The following ARHGAP42 variants were observed in gnomAD, a reference collection of about 807,000 sequenced individuals.
ARHGAP42 encodes the protein rho GTPase-activating protein 42.
A neutral mutation model predicts 125.0 loss-of-function variants in ARHGAP42; 63 were observed. That is an observed-to-expected ratio of 0.50 (90% CI 0.41 to 0.62). ARHGAP42 has a LOEUF of 0.62. ARHGAP42 is among the 20% of genes least tolerant of loss of function. ARHGAP42 has a pLI of 0.00. For missense variants in ARHGAP42, 766 were observed against 1,024.2 expected, an observed-to-expected ratio of 0.75 and a Z score of 3.44; for synonymous variants, 339 against 351.0, an observed-to-expected ratio of 0.97 and a Z score of 0.38.
chr11:100,808,410 T>G (rs976499001), intron 3 of ARHGAP42, among the ~76,000 whole-genome samples: 2 of 148,022 alleles, frequency 1.4e-5, no homozygotes, highest in African/African-American at 5.0e-5. Flanking sequence ...TTTTTTTTTT[T>G]TTTTTTGAGA....
rs144349312 is a variant in ARHGAP42, at chr11:100,778,727, G to A, written c.250+8289G>A. On this transcript the variant is annotated intron_variant, in intron 2 of 23. Transcript: ENST00000298815. Reference sequence around the variant, plus strand: ...TATCATATTAGCTGTGTATTTTGAAGCACTTTATTTGACTTAATTTGAAAT... The same window carrying A: ...TATCATATTAGCTGTGTATTTTGAAACACTTTATTTGACTTAATTTGAAAT... 1.8e-3 allele frequency among the ~76,000 whole-genome samples: 280 copies of A among 152,142 alleles called. 1 individual carries two copies. Among genetic ancestry groups the A allele is most frequent in the African/African-American group, 6.4e-3 (267 of 41,514 alleles).
At chr11:100,964,999 G>A (rs1858053487) in intron 16 of ARHGAP42, among the ~76,000 whole-genome samples, 1 of 152,110 alleles carries the variant, frequency 6.6e-6, no homozygotes, top group Non-Finnish European at 1.5e-5. Context: ...CAGTTCCGCA[G>A]GGCTGGGAAG....
intron 1 of ARHGAP42, among the ~76,000 whole-genome samples, chr11:100,690,465 T>A (rs115729298): frequency 2.7e-4 from 41 of 152,348 alleles, no homozygotes; most frequent in African/African-American, 9.4e-4. Context: ...AAGTTGTAAT[T>A]TCTTCAGTAG....
intron 4 of ARHGAP42, among the ~76,000 whole-genome samples, chr11:100,898,640 T>C (rs149862389): frequency 5.9e-5 from 9 of 152,220 alleles, no homozygotes; most frequent in Non-Finnish European, 1.2e-4. Context: ...GAGGTGTTTA[T>C]AGTATTCTCT....
At chr11:100,885,307 T>G (rs1479858300) in intron 4 of ARHGAP42, among the ~76,000 whole-genome samples, 2 of 152,218 alleles carry the variant, frequency 1.3e-5, no homozygotes, top group Non-Finnish European at 2.9e-5. Context: ...TTTAGGGAAC[T>G]AAGTGTATTG....
At chr11:100,870,196 T>C (rs759658510) in intron 4 of ARHGAP42, among the ~76,000 whole-genome samples, 4 of 152,188 alleles carry the variant, frequency 2.6e-5, no homozygotes, top group Non-Finnish European at 5.9e-5. Flanking sequence ...CAGTTACTTT[T>C]AGTAAATCTG....
At chr11:100,926,629 C>T (rs1346882929) in intron 6 of ARHGAP42, among the ~76,000 whole-genome samples, 2 of 152,158 alleles carry the variant, frequency 1.3e-5, no homozygotes, top group Non-Finnish European at 2.9e-5. Context: ...TACAAATGCT[C>T]TGCCTCAGGT....
At chr11:100,792,711 A>G (rs1023172128) in intron 2 of ARHGAP42, among the ~76,000 whole-genome samples, 1 of 151,788 alleles carries the variant, frequency 6.6e-6, no homozygotes, top group Non-Finnish European at 1.5e-5. Flanking sequence ...TTATTTGTAT[A>G]ATGTTGTTTT....
chr11:100,830,820 G>C (rs1191245837), intron 3 of ARHGAP42, among the ~76,000 whole-genome samples: 3 of 152,042 alleles, frequency 2.0e-5, no homozygotes, highest in Non-Finnish European at 4.4e-5. Flanking sequence ...GCTCGGGCAA[G>C]GTCAATAGCC....
At chr11:100,905,416 T>C (rs906696585) in intron 4 of ARHGAP42, among the ~76,000 whole-genome samples, 1 of 152,214 alleles carries the variant, frequency 6.6e-6, no homozygotes, top group Non-Finnish European at 1.5e-5. Flanking sequence ...GGAAAATGAA[T>C]ATTTAGCATC....
At chr11:100,900,570 C>T (rs1372611280) in intron 4 of ARHGAP42, among the ~76,000 whole-genome samples, 1 of 152,198 alleles carries the variant, frequency 6.6e-6, no homozygotes, top group Admixed American at 6.5e-5. Flanking sequence ...TTGGTCTTTT[C>T]ACATGGTCCC....
intron 3 of ARHGAP42, among the ~76,000 whole-genome samples, chr11:100,857,351 A>G (rs1211294830): frequency 2.0e-5 from 3 of 152,098 alleles, no homozygotes; most frequent in Non-Finnish European, 4.4e-5. Context: ...TTGTTATATC[A>G]TCTGGCTTTT....
intron 12 of ARHGAP42, among the ~76,000 whole-genome samples, chr11:100,955,769 C>T (rs936370383): frequency 6.6e-6 from 1 of 151,340 alleles, no homozygotes; most frequent in Non-Finnish European, 1.5e-5. Flanking sequence ...CCCTTTCCAT[C>T]GACATTTGAA....
chr11:100,772,876 A>G (rs1279690963), intron 2 of ARHGAP42, among the ~76,000 whole-genome samples: 1 of 152,206 alleles, frequency 6.6e-6, no homozygotes, highest in Non-Finnish European at 1.5e-5. Context: ...TTGCTCTGTC[A>G]CCTAGGCTGG....
intron 4 of ARHGAP42, among the ~76,000 whole-genome samples, chr11:100,911,622 G>C (rs1451217195): frequency 3.3e-5 from 5 of 152,102 alleles, no homozygotes; most frequent in Admixed American, 1.3e-4. Context: ...TTGCAGGTAA[G>C]TTGTGGACAT....
At chr11:100,978,840 A>G in intron 21 of ARHGAP42, 147 bp from the exon 22 acceptor site, 1 of 726,804 alleles carries the variant, frequency 1.4e-6, no homozygotes, top group Middle Eastern at 3.9e-4. Context: ...TTGACATTAA[A>G]GGTTAAAACA....
intron 4 of ARHGAP42, among the ~76,000 whole-genome samples, chr11:100,906,646 A>C (rs1408490068): frequency 6.6e-6 from 1 of 151,798 alleles, no homozygotes; most frequent in Admixed American, 6.6e-5. Context: ...TGATTTTATT[A>C]TCTCTCATTC....
At chr11:100,821,201 G>A (rs1452610156) in intron 3 of ARHGAP42, among the ~76,000 whole-genome samples, 1 of 152,052 alleles carries the variant, frequency 6.6e-6, no homozygotes, top group Non-Finnish European at 1.5e-5. Flanking sequence ...ACAAGCCTTT[G>A]TTACCTCAAA....
At chr11:100,934,617 CA>C (rs1441058745) in intron 7 of ARHGAP42, among the ~76,000 whole-genome samples, 1 of 152,148 alleles carries the variant, frequency 6.6e-6, no homozygotes, top group African/African-American at 2.4e-5. Flanking sequence ...TCAAACCTGA[CA>C]AATAATGATG....
Sources: allele counts gnomAD v4.1 joint callset (sites outside exome capture counted in the v4.1 genomes callset), GRCh38; gene constraint gnomAD v4.1.1; transcripts MANE v1.5; gene names NCBI Gene and HGNC (gene_info 2026-07-23, HGNC 2026-07-21).